Variants in UPRT observed in about 807,000 individuals in gnomAD.
UPRT encodes the protein uracil phosphoribosyltransferase homolog.
Under a neutral mutation model 22.6 loss-of-function variants are expected in UPRT, and 5 were observed. The observed-to-expected ratio is 0.22, with a 90% CI of 0.12 to 0.47. The LOEUF is 0.47. Ranked by LOEUF, UPRT falls within the 20% of genes least tolerant of loss-of-function variation. The pLI, the probability that UPRT is intolerant of heterozygous loss-of-function variation, is 0.99. For synonymous variants in UPRT, 77 were observed against 87.7 expected (o/e 0.88, Z 0.68); for missense variants, 181 against 239.9 (o/e 0.75, Z 1.62).
At chrX:75,279,513 A>G (rs2082644567) in intron 1 of UPRT, among the ~76,000 whole-genome samples, 1 of 111,864 alleles carries the variant, frequency 8.9e-6, no homozygotes, top group Admixed American at 9.5e-5. Flanking sequence ...GACCTGGCAC[A>G]GTCCCTGACA....
At chrX:75,237,872 G>A (rs1403364453) in intron 4 of UPRT, among the ~76,000 whole-genome samples, 3 of 107,913 alleles carry the variant, frequency 2.8e-5, no homozygotes, top group South Asian at 4.3e-4. Flanking sequence ...TGGGTGCAGC[G>A]CACTAGCATG....
intron 1 of UPRT, among the ~76,000 whole-genome samples, chrX:75,287,416 G>A (rs183989894): frequency 9.3e-4 from 103 of 111,336 alleles, no homozygotes; most frequent in African/African-American, 3.2e-3. Context: ...TTGTGGATAG[G>A]TAACTATTAG....
chrX:75,296,455 G>A lies in UPRT; in HGVS notation c.499+44G>A, dbSNP rs749397234. 4.5e-6 allele frequency: 5 copies of A among 1,108,369 alleles called. No homozygotes were observed. The South Asian group carries it at 9.3e-5, about 21-fold the overall frequency. The allele number at this position is 1,108,369 out of a possible 1,213,427, so 91.3% of individuals were successfully genotyped here. On this transcript the variant is annotated intron_variant, in intron 3 of 6. Transcript: ENST00000373383. Reference sequence around the variant, plus strand: ...CTCAAATTTTCCTCATAAAAATTCTGAGCTAGAATGGGGAAAGATGTAAGT... The same window carrying A: ...CTCAAATTTTCCTCATAAAAATTCTAAGCTAGAATGGGGAAAGATGTAAGT...
intron 4 of UPRT, among the ~76,000 whole-genome samples, chrX:75,211,333 G>A (rs1468882324): frequency 9.0e-6 from 1 of 111,435 alleles, no homozygotes; most frequent in African/African-American, 3.3e-5. Context: ...GGCCGGAGTG[G>A]CTGGAGTGGT....
intron 4 of UPRT, among the ~76,000 whole-genome samples, chrX:75,206,915 T>C (rs1007074242): frequency 8.0e-5 from 9 of 112,311 alleles, no homozygotes; most frequent in South Asian, 3.7e-4. Context: ...CTGCCCGCCT[T>C]GGCCTCCCAA....
intron 1 of UPRT, among the ~76,000 whole-genome samples, chrX:75,287,729 G>A (rs774546305): frequency 9.0e-4 from 100 of 111,095 alleles, no homozygotes; most frequent in Non-Finnish European, 1.6e-3. Context: ...AAGTTAAAAA[G>A]ATCTCATTAA....
intron 1 of UPRT, chrX:75,291,561 G>A (rs1346258487): frequency 5.8e-6 from 1 of 173,852 alleles, no homozygotes; most frequent in African/African-American, 3.2e-5. Context: ...ATTGATACAA[G>A]TAAATACCTG....
chrX:75,203,571 A>G (rs1194737692), intron 4 of UPRT, among the ~76,000 whole-genome samples: 1 of 109,745 alleles, frequency 9.1e-6, no homozygotes, highest in African/African-American at 3.3e-5. Context: ...TGCAGGCTTT[A>G]TGTCCAGCGT....
At chrX:75,225,117 G>A (rs1442870414) in intron 4 of UPRT, among the ~76,000 whole-genome samples, 2 of 110,923 alleles carry the variant, frequency 1.8e-5, no homozygotes, top group Non-Finnish European at 3.8e-5. Context: ...AAAAATCAAG[G>A]AAAGGGCTAT....
chrX:75,165,729 T>C (rs2082211440), intron 3 of UPRT, among the ~76,000 whole-genome samples: 1 of 111,775 alleles, frequency 8.9e-6, no homozygotes, highest in South Asian at 3.7e-4. Context: ...GTTTAATGAT[T>C]TTTTAATATT....
intron 4 of UPRT, among the ~76,000 whole-genome samples, chrX:75,176,627 A>G (rs1249921198): frequency 1.8e-5 from 2 of 110,354 alleles, no homozygotes; most frequent in Non-Finnish European, 1.9e-5. Flanking sequence ...ACCTTTGGAG[A>G]TTTCTTTGCT....
chrX:75,239,649 AAAG>A (rs1408100486), intron 4 of UPRT, among the ~76,000 whole-genome samples: 1 of 111,344 alleles, frequency 9.0e-6, no homozygotes, highest in East Asian at 2.8e-4. Context: ...TATAACAAAA[AAAG>A]AATACTACAG....
At chrX:75,207,995 G>A (rs772718444) in intron 4 of UPRT, among the ~76,000 whole-genome samples, 136 of 111,544 alleles carry the variant, frequency 1.2e-3, no homozygotes, top group Non-Finnish European at 1.8e-3. Context: ...GGGGTTCTAG[G>A]ATGGGCCCAT....
intron 4 of UPRT, among the ~76,000 whole-genome samples, chrX:75,238,194 G>A (rs988565193): frequency 6.3e-5 from 7 of 111,226 alleles, no homozygotes; most frequent in African/African-American, 2.3e-4. Context: ...TGGCAGAGTG[G>A]ATAAAAATCC....
chrX:75,251,892 C>T (rs1158225542), intron 4 of UPRT, among the ~76,000 whole-genome samples: 11 of 110,155 alleles, frequency 1.0e-4, no homozygotes, highest in African/African-American at 3.6e-4. Context: ...GAACAGAGCC[C>T]TCAGAAATAA....
chrX:75,166,099 G>A (rs749470977), intron 3 of UPRT, among the ~76,000 whole-genome samples: 1 of 111,676 alleles, frequency 9.0e-6, no homozygotes, highest in African/African-American at 3.2e-5. Flanking sequence ...AATATCCTCG[G>A]ACAAAATGGG....
chrX:75,288,118 T>G (rs1005480939), intron 1 of UPRT, among the ~76,000 whole-genome samples: 1 of 111,323 alleles, frequency 9.0e-6, no homozygotes, highest in Non-Finnish European at 1.9e-5. Flanking sequence ...CTCCTAAAAT[T>G]GAATTAGGAA....
At chrX:75,185,058 T>A (rs1470828283) in intron 4 of UPRT, among the ~76,000 whole-genome samples, 1 of 111,543 alleles carries the variant, frequency 9.0e-6, no homozygotes, top group Non-Finnish European at 1.9e-5. Context: ...CAACACTATA[T>A]TGAATAGGAG....
exon 3 of UPRT, among the ~76,000 whole-genome samples, chrX:75,163,187 A>G (rs1447627822): frequency 3.6e-5 from 4 of 111,667 alleles, no homozygotes; most frequent in African/African-American, 1.3e-4. Flanking sequence ...CTGTTTCCAG[A>G]AGGATCCTCA....
Sources: gnomAD v4.1 joint callset for allele counts (sites outside exome capture counted in the v4.1 genomes callset) on GRCh38, gnomAD v4.1.1 for gene constraint, MANE v1.5 for transcripts, NCBI Gene and HGNC (gene_info 2026-07-23, HGNC 2026-07-21) for gene names.